DMD: variants seen among roughly 807,000 people sequenced by gnomAD.
DMD encodes dystrophin, also known as mutant dystrophin.
Under a neutral mutation model 330.1 loss-of-function variants are expected in DMD, and 63 were observed. The observed-to-expected ratio is 0.19, with a 90% CI of 0.16 to 0.24. The LOEUF (loss-of-function observed/expected upper bound fraction) is 0.24. Ranked by LOEUF, DMD falls within the 10% of genes least tolerant of loss-of-function variation. DMD has a pLI of 1.00. For missense variants in DMD, 3,344 were observed against 2,684.1 expected (o/e 1.25, Z -5.43); for synonymous variants, 1,223 against 959.8 (o/e 1.27, Z -5.07).
intron 2 of DMD, among the ~76,000 whole-genome samples, chrX:32,955,647 C>A (rs2091532926): frequency 8.9e-6 from 1 of 111,759 alleles, no homozygotes; most frequent in Admixed American, 9.6e-5. Flanking sequence ...CCCGGGTTGT[C>A]TTCCAGGGTT....
chrX:31,228,788 G>A (rs940412606), intron 63 of DMD, among the ~76,000 whole-genome samples: 10 of 111,674 alleles, frequency 9.0e-5, no homozygotes, highest in African/African-American at 2.6e-4. Context: ...AACCAGTTAC[G>A]CCATGTTTCC....
chrX:31,486,341 G>C (rs764661333), intron 57 of DMD, among the ~76,000 whole-genome samples: 1 of 112,186 alleles, frequency 8.9e-6, no homozygotes, highest in East Asian at 2.8e-4. Context: ...AGGCTTGCAG[G>C]GGAAAGCCTG....
intron 41 of DMD, among the ~76,000 whole-genome samples, chrX:32,322,171 G>A (rs779570163): frequency 9.0e-6 from 1 of 111,341 alleles, no homozygotes; most frequent in East Asian, 2.8e-4. Context: ...AGAAGAGATG[G>A]AAGATTTGTA....
chrX:33,329,487 C>A (rs1381839281), intron 1 of DMD, among the ~76,000 whole-genome samples: 1 of 111,766 alleles, frequency 8.9e-6, no homozygotes, highest in East Asian at 2.8e-4. Flanking sequence ...TTTAAGAGTT[C>A]ACAAATGGAA....
intron 55 of DMD, among the ~76,000 whole-genome samples, chrX:31,590,760 T>A (rs754211783): frequency 1.8e-5 from 2 of 111,592 alleles, no homozygotes; most frequent in East Asian, 5.6e-4. Flanking sequence ...AAACTTCTAA[T>A]TGCTCTTACA....
At chrX:32,462,642 T>C (rs2098387623) in intron 25 of DMD, among the ~76,000 whole-genome samples, 1 of 111,091 alleles carries the variant, frequency 9.0e-6, no homozygotes, top group South Asian at 3.8e-4. Context: ...TAATGGTTAC[T>C]GAATCTTAAT....
At chrX:31,165,568 T>A (rs532222904) in intron 74 of DMD, among the ~76,000 whole-genome samples, 1 of 111,338 alleles carries the variant, frequency 9.0e-6, no homozygotes, top group African/African-American at 3.3e-5. Context: ...ATTTAGACAG[T>A]GCAGAGACAA....
chrX:32,643,600 CTCTT>C (rs1365192767), intron 11 of DMD, among the ~76,000 whole-genome samples: 2 of 111,238 alleles, frequency 1.8e-5, no homozygotes, highest in Admixed American at 9.6e-5. Context: ...GTCTCAAATC[CTCTT>C]TTTTATTAAG....
chrX:31,504,879 TA>T (rs2070774288), intron 56 of DMD, among the ~76,000 whole-genome samples: 1 of 112,300 alleles, frequency 8.9e-6, no homozygotes, highest in African/African-American at 3.2e-5. Context: ...TCTGAATATT[TA>T]AATTCTAGAA....
chrX:31,219,833 T>TACACACACACACACACACACAC (rs58717973), intron 64 of DMD, among the ~76,000 whole-genome samples: 124 of 100,347 alleles, frequency 1.2e-3, no homozygotes, highest in Admixed American at 4.0e-3. Context: ...GATCAATGTA[T>TACACACACACACACACACACAC]ACACACACAC....
intron 2 of DMD, among the ~76,000 whole-genome samples, chrX:32,856,308 G>A (rs1162115686): frequency 1.8e-5 from 2 of 111,741 alleles, no homozygotes; most frequent in Admixed American, 9.5e-5. Flanking sequence ...CTACTGCCGG[G>A]TATATACCCA....
chrX:33,246,692 T>G (rs1048412957), intron 1 of DMD, among the ~76,000 whole-genome samples: 2 of 110,984 alleles, frequency 1.8e-5, no homozygotes, highest in Non-Finnish European at 3.8e-5. Context: ...GTTTGTTTTG[T>G]TTTGTTTTTT....
chrX:32,672,381 C>G (rs943397898), intron 9 of DMD, among the ~76,000 whole-genome samples: 4 of 111,390 alleles, frequency 3.6e-5, no homozygotes, highest in African/African-American at 1.3e-4. Flanking sequence ...CTTTCAAATA[C>G]ACTTGCAATT....
At position 31,687,820 on chromosome X, in the gene DMD, T is replaced by C. The variant is rs578227361; in HGVS notation, c.7661-8234A>G. On this transcript the variant is annotated intron_variant, in intron 52 of 78. Coordinates refer to ENST00000357033, the MANE Select transcript of DMD (RefSeq NM_004006.3). The stretch of plus-strand genomic sequence containing the variant: ...CTTGCTGCTTTTAGGATTCTTTCTT[T>C]ATCCTTGACCTGTGGGAGTTTGATT... Among the ~76,000 whole-genome samples, 3 of 112,167 alleles carry C rather than the reference T, an allele frequency of 2.7e-5. No homozygotes were observed. In the East Asian group the frequency reaches 8.5e-4, roughly 32 times the overall value.
intron 2 of DMD, among the ~76,000 whole-genome samples, chrX:32,871,159 T>A (rs1006644340): frequency 9.2e-6 from 1 of 108,903 alleles, no homozygotes; most frequent in Non-Finnish European, 1.9e-5. Context: ...TTTCTCTTAA[T>A]CTTGGTCTAT....
At chrX:33,309,622 C>T (rs771485974) in intron 1 of DMD, among the ~76,000 whole-genome samples, 150 of 110,129 alleles carry the variant, frequency 1.4e-3, no homozygotes, top group Non-Finnish European at 1.9e-3. Flanking sequence ...GAATAGGTTA[C>T]AAGTAGGAAA....
intron 60 of DMD, among the ~76,000 whole-genome samples, chrX:31,421,936 CACACACATATATATATATATAT>C (rs2063410591): frequency 1.8e-5 from 1 of 55,771 alleles, no homozygotes. Context: ...TATATATACA[CACACACATATATATATATATAT>C]ACACATATAT....
chrX:32,005,753 G>A (rs1043609117), intron 44 of DMD, among the ~76,000 whole-genome samples: 1 of 110,671 alleles, frequency 9.0e-6, no homozygotes, highest in African/African-American at 3.3e-5. Context: ...CTGTGGGAAC[G>A]AATAAAAAAG....
intron 21 of DMD, among the ~76,000 whole-genome samples, chrX:32,483,157 A>ATC (rs2042072272): frequency 2.4e-5 from 2 of 82,782 alleles, no homozygotes; most frequent in African/African-American, 7.8e-5. Flanking sequence ...ATATATATAT[A>ATC]TATATATACA....
Sources: allele counts gnomAD v4.1 joint callset (sites outside exome capture counted in the v4.1 genomes callset), GRCh38; gene constraint gnomAD v4.1.1; transcripts MANE v1.5; gene names NCBI Gene and HGNC (gene_info 2026-07-23, HGNC 2026-07-21).